Variants in ATP8B4 observed in about 807,000 individuals in gnomAD.
ATP8B4 encodes the protein ATPase phospholipid transporting 8B4 (putative).
In ATP8B4, 133 loss-of-function variants were observed where a neutral mutation model predicts 145.6. That is an observed-to-expected ratio of 0.91 (90% CI 0.79 to 1.05). The LOEUF (loss-of-function observed/expected upper bound fraction) is 1.05, where lower values mean the gene tolerates loss of function less well. Ranked by LOEUF, ATP8B4 falls within the 50% of genes least tolerant of loss-of-function variation. ATP8B4 has a pLI of 0.00. For synonymous variants in ATP8B4, 507 were observed against 492.9 expected (o/e 1.03, Z -0.38); for missense variants, 1,458 against 1,425.2 (o/e 1.02, Z -0.37).
chr15:49,985,215 G>T (rs1046649067), intron 10 of ATP8B4, among the ~76,000 whole-genome samples: 5 of 151,830 alleles, frequency 3.3e-5, no homozygotes, highest in Admixed American at 6.6e-5. Flanking sequence ...TCCTACCTCA[G>T]CCTCCCGAGT....
chr15:50,002,955 T>C (rs2048015495), intron 7 of ATP8B4, among the ~76,000 whole-genome samples: 1 of 152,196 alleles, frequency 6.6e-6, no homozygotes, highest in Admixed American at 6.5e-5. Flanking sequence ...CTCTCTAAAT[T>C]GGCAAAGTGC....
At chr15:49,932,420 G>C (rs1485249623) in intron 15 of ATP8B4, among the ~76,000 whole-genome samples, 5 of 151,906 alleles carry the variant, frequency 3.3e-5, no homozygotes, top group Non-Finnish European at 5.9e-5. Flanking sequence ...AGACATGAAT[G>C]AATTTTTGAA....
At position 49,914,042 on chromosome 15, in the gene ATP8B4, A is replaced by G. The variant is rs963744949; in HGVS notation, c.2141+2892T>C. On this transcript the variant is annotated intron_variant, in intron 20 of 27. Transcript: ENST00000284509. ...CAAAGCAATCCTGACCAAAAAGAAC[A>G]AAGCTGGAGGCATCACACTACCTGA... Among the ~76,000 whole-genome samples the G allele has an allele frequency of 2.6e-5, 4 of 152,344 alleles. No homozygotes were observed. The South Asian group carries it at 8.3e-4, about 32-fold the overall frequency.
intron 1 of ATP8B4, among the ~76,000 whole-genome samples, chr15:50,157,614 T>C (rs759743182): frequency 2.0e-5 from 3 of 152,196 alleles, no homozygotes; most frequent in Non-Finnish European, 4.4e-5. Flanking sequence ...TGGTTCCATA[T>C]AAATTTTAGG....
At chr15:49,901,017 C>G (rs1002626179) in intron 21 of ATP8B4, 75 bp downstream of exon 21, 3 of 1,509,846 alleles carry the variant, frequency 2.0e-6, no homozygotes, top group Non-Finnish European at 2.7e-6. Context: ...CAAAGGAGGT[C>G]TCATTATGAT....
At chr15:49,994,141 C>CCAG (rs1380067506) in intron 9 of ATP8B4, among the ~76,000 whole-genome samples, 2 of 152,114 alleles carry the variant, frequency 1.3e-5, no homozygotes, top group Non-Finnish European at 2.9e-5. Context: ...AAATTTGGAG[C>CCAG]TACTGTGTTC....
At chr15:50,070,795 C>T (rs1364520024) in intron 3 of ATP8B4, among the ~76,000 whole-genome samples, 1 of 152,170 alleles carries the variant, frequency 6.6e-6, no homozygotes, top group African/African-American at 2.4e-5. Flanking sequence ...GGCTGGACTG[C>T]AGTGGCACAA....
chr15:50,009,406 A>T (rs1221561197), intron 7 of ATP8B4: 1 of 161,704 alleles, frequency 6.2e-6, no homozygotes, highest in Non-Finnish European at 1.3e-5. Flanking sequence ...TGCCTGCAAG[A>T]ATCGTATAGT....
intron 14 of ATP8B4, among the ~76,000 whole-genome samples, chr15:49,935,221 A>AT (rs1313587810): frequency 1.3e-5 from 2 of 152,228 alleles, no homozygotes; most frequent in East Asian, 3.9e-4. Flanking sequence ...TATTATCTTT[A>AT]TAATAGGCCC....
At chr15:50,153,988 A>G (rs1431505514) in intron 1 of ATP8B4, among the ~76,000 whole-genome samples, 1 of 152,214 alleles carries the variant, frequency 6.6e-6, no homozygotes, top group Non-Finnish European at 1.5e-5. Context: ...TTTTAGTTTT[A>G]TATTAGTGTA....
At chr15:49,869,123 C>A (rs954187913) in intron 25 of ATP8B4, among the ~76,000 whole-genome samples, 1 of 152,122 alleles carries the variant, frequency 6.6e-6, no homozygotes, top group African/African-American at 2.4e-5. Flanking sequence ...GTTGGCCAGG[C>A]TGGTCTTGAA....
intron 15 of ATP8B4, 129 bp downstream of exon 15, chr15:49,933,888 A>G (rs768462523): frequency 9.6e-6 from 10 of 1,041,044 alleles, no homozygotes; most frequent in Non-Finnish European, 1.2e-5. Context: ...TTTCTGTGTT[A>G]AAAAACAAAA....
intron 8 of ATP8B4, among the ~76,000 whole-genome samples, chr15:50,001,280 CT>C (rs752010569): frequency 9.9e-4 from 150 of 152,062 alleles, no homozygotes; most frequent in Non-Finnish European, 1.7e-3. Context: ...GAATTTTTCT[CT>C]TTTCAAATGT....
intron 1 of ATP8B4, among the ~76,000 whole-genome samples, chr15:50,149,467 C>A (rs2044319317): frequency 6.6e-6 from 1 of 152,070 alleles, no homozygotes; most frequent in South Asian, 2.1e-4. Context: ...TGTATGTGCA[C>A]TAAGCCTTGA....
At chr15:49,932,895 C>T (rs539002918) in intron 15 of ATP8B4, among the ~76,000 whole-genome samples, 11 of 151,962 alleles carry the variant, frequency 7.2e-5, no homozygotes, top group African/African-American at 2.4e-5. Context: ...TAAATAGAAC[C>T]CTCCTTATAA....
chr15:50,171,699 A>G lies in ATP8B4; in HGVS notation c.-43+10562T>C, dbSNP rs376737973. Among the ~76,000 whole-genome samples the G allele has an allele frequency of 3.3e-5, 5 of 152,294 alleles. No homozygotes were observed. In the East Asian group the frequency reaches 7.7e-4, roughly 23 times the overall value. On this transcript the variant is annotated intron_variant, in intron 1 of 3. Transcript: ENST00000558829. ...AAACCCCAGCAGAAAAAATGAAATA[A>G]CCAAGATCAGAGCAGAACTAAATGA...
upstream of ATP8B4, among the ~76,000 whole-genome samples, chr15:50,121,135 G>A (rs184399310): frequency 2.6e-5 from 4 of 152,210 alleles, no homozygotes; most frequent in Admixed American, 1.3e-4. Context: ...AAATGTGCTC[G>A]CTGTTTATTG....
In ATP8B4 at chr15:49,892,389, G is replaced by A. The variant is rs79369370; in HGVS notation, c.2697+4903C>T. Among the ~76,000 whole-genome samples the A allele has an allele frequency of 4.5e-3, 678 of 152,224 alleles. 4 individuals are homozygous for A. The highest frequency in any genetic ancestry group is 5.9e-3 in the Non-Finnish European group (400 of 68,022). ...GAAAAGACTTTGCAGAAGTTTAAAC[G>A]TAAACCCTTATTTTGATATATAAAA... On this transcript the variant is annotated intron_variant, in intron 23 of 27. Transcript: ENST00000284509.
intron 14 of ATP8B4, among the ~76,000 whole-genome samples, chr15:49,942,200 T>C (rs188976652): frequency 7.9e-5 from 12 of 151,980 alleles, no homozygotes; most frequent in Admixed American, 3.9e-4. Flanking sequence ...AATAAAACTA[T>C]ATTAAAAATA....
Sources: gnomAD v4.1 joint callset for allele counts (sites outside exome capture counted in the v4.1 genomes callset) on GRCh38, gnomAD v4.1.1 for gene constraint, MANE v1.5 for transcripts, NCBI Gene and HGNC (gene_info 2026-07-23, HGNC 2026-07-21) for gene names.